CADM2: variants seen among roughly 807,000 people sequenced by gnomAD.
The protein encoded by CADM2 is immunoglobulin superfamily member 4D.
CADM2 carries 12 observed loss-of-function variants against 49.8 expected under a neutral mutation model. The ratio of observed to expected loss-of-function variants is 0.24; its 90% confidence interval spans 0.15 to 0.39. The LOEUF is 0.39. Among genes scored for constraint, CADM2 ranks in the 10% least tolerant of loss-of-function variants. CADM2 has a pLI of 1.00. For synonymous variants in CADM2, 214 were observed against 175.4 expected, an observed-to-expected ratio of 1.22 and a Z score of -1.74; for missense variants, 378 against 492.3, an observed-to-expected ratio of 0.77 and a Z score of 2.20.
intron 2 of CADM2, among the ~76,000 whole-genome samples, chr3:85,727,756 C>A (rs2067764444): frequency 6.6e-6 from 1 of 152,014 alleles, no homozygotes; most frequent in African/African-American, 2.4e-5. Context: ...AGATGCATAT[C>A]AGCACTGGAA....
chr3:85,857,293 A>G (rs1171036026), intron 3 of CADM2, among the ~76,000 whole-genome samples: 1 of 152,074 alleles, frequency 6.6e-6, no homozygotes, highest in Non-Finnish European at 1.5e-5. Flanking sequence ...GTAGAGGTTG[A>G]GGTCAAAGAT....
intron 3 of CADM2, among the ~76,000 whole-genome samples, chr3:85,819,481 A>T (rs1428314116): frequency 1.3e-5 from 2 of 152,230 alleles, no homozygotes; most frequent in African/African-American, 4.8e-5. Flanking sequence ...TTAAGCAACA[A>T]AAAACTAATT....
intron 1 of CADM2, among the ~76,000 whole-genome samples, chr3:85,411,849 T>C (rs1389967743): frequency 1.3e-5 from 2 of 152,134 alleles, no homozygotes. Flanking sequence ...TTTTGTTTTA[T>C]TTTTTTGAGA....
intron 1 of CADM2, among the ~76,000 whole-genome samples, chr3:85,697,319 A>G (rs1005556939): frequency 3.3e-5 from 5 of 152,024 alleles, no homozygotes; most frequent in South Asian, 2.1e-4. Context: ...GCTGACAGAT[A>G]TATAAAGTGA....
At chr3:85,097,713 C>T (rs1192228266) in intron 1 of CADM2, among the ~76,000 whole-genome samples, 2 of 152,152 alleles carry the variant, frequency 1.3e-5, no homozygotes, top group Admixed American at 6.6e-5. Context: ...CAATAATGGT[C>T]CATCACTCAC....
chr3:85,763,207 G>T (rs2069480373), intron 2 of CADM2, among the ~76,000 whole-genome samples: 1 of 152,148 alleles, frequency 6.6e-6, no homozygotes, highest in African/African-American at 2.4e-5. Flanking sequence ...AGAAGCAGGA[G>T]CCTCTGTTCT....
chr3:85,148,954 G>A (rs963986366), intron 1 of CADM2, among the ~76,000 whole-genome samples: 2 of 152,028 alleles, frequency 1.3e-5, no homozygotes. Context: ...AAGTGGACAC[G>A]TGCAGTTCAA....
chr3:85,477,119 G>A (rs1270764109), intron 1 of CADM2, among the ~76,000 whole-genome samples: 1 of 151,584 alleles, frequency 6.6e-6, no homozygotes, highest in East Asian at 1.9e-4. Flanking sequence ...ATGACCACTG[G>A]GTATGTGTTT....
At chr3:85,204,106 T>C (rs988773110) in intron 1 of CADM2, among the ~76,000 whole-genome samples, 1 of 152,208 alleles carries the variant, frequency 6.6e-6, no homozygotes, top group Non-Finnish European at 1.5e-5. Flanking sequence ...GGTCCTTGTA[T>C]AGTTAACAAC....
intron 1 of CADM2, among the ~76,000 whole-genome samples, chr3:85,617,128 C>G (rs541727271): frequency 6.6e-6 from 1 of 152,238 alleles, no homozygotes; most frequent in South Asian, 2.1e-4. Context: ...AATTCCCTCA[C>G]TATCTACCTG....
In CADM2 at chr3:85,595,159, G is replaced by A. The variant is rs552259550; in HGVS notation, c.62-131363G>A. On this transcript the variant is annotated intron_variant, in intron 1 of 9. Coordinates refer to ENST00000383699, the MANE Select transcript of CADM2 (RefSeq NM_001167675.2). ...AACTAATGCATTTCAGTACTGAAGTGTCTATTCAAATCATTCTTAGGGCTG... is the reference window on the plus strand; with the variant it reads ...AACTAATGCATTTCAGTACTGAAGTATCTATTCAAATCATTCTTAGGGCTG... Among the ~76,000 whole-genome samples the A allele has an allele frequency of 4.6e-5, 7 of 152,096 alleles. No homozygotes were observed. The South Asian group carries it at 1.4e-3, about 32-fold the overall frequency.
At chr3:85,489,143 G>C (rs1275418864) in intron 1 of CADM2, among the ~76,000 whole-genome samples, 1 of 152,028 alleles carries the variant, frequency 6.6e-6, no homozygotes, top group Non-Finnish European at 1.5e-5. Context: ...TCTTAAGAAA[G>C]GGGAATATAA....
intron 3 of CADM2, among the ~76,000 whole-genome samples, chr3:85,858,493 G>A (rs1305908483): frequency 6.6e-6 from 1 of 151,994 alleles, no homozygotes; most frequent in Non-Finnish European, 1.5e-5. Context: ...AGTTTCTTTC[G>A]AGCCCATAAC....
intron 8 of CADM2, among the ~76,000 whole-genome samples, chr3:86,047,467 C>G (rs888357451): frequency 5.3e-5 from 8 of 152,116 alleles, no homozygotes; most frequent in Non-Finnish European, 1.2e-4. Context: ...CCAGAGAAGT[C>G]AGGAAATGAG....
At chr3:85,289,126 A>T (rs941835080) in intron 1 of CADM2, among the ~76,000 whole-genome samples, 2 of 152,196 alleles carry the variant, frequency 1.3e-5, no homozygotes, top group Admixed American at 1.3e-4. Flanking sequence ...TTTTATACTG[A>T]AAATAGAAAG....
intron 8 of CADM2, among the ~76,000 whole-genome samples, chr3:86,005,933 G>C (rs1266493064): frequency 6.6e-6 from 1 of 151,936 alleles, no homozygotes; most frequent in East Asian, 1.9e-4. Flanking sequence ...CAATTGTTTT[G>C]ATTTTTAGAT....
At chr3:85,506,471 G>T (rs565453948) in intron 1 of CADM2, among the ~76,000 whole-genome samples, 162 of 152,238 alleles carry the variant, frequency 1.1e-3, no homozygotes, top group African/African-American at 3.8e-3. Context: ...TTAAAATTCA[G>T]CAGCATGTGT....
chr3:85,864,468 C>T (rs1456118693), intron 3 of CADM2, among the ~76,000 whole-genome samples: 1 of 152,140 alleles, frequency 6.6e-6, no homozygotes, highest in Non-Finnish European at 1.5e-5. Flanking sequence ...TGAAATGATA[C>T]TACTACACCA....
chr3:85,293,658 C>A (rs2043867667), intron 1 of CADM2, among the ~76,000 whole-genome samples: 2 of 136,630 alleles, frequency 1.5e-5, no homozygotes, highest in Admixed American at 1.5e-4. Flanking sequence ...AAATGTAATC[C>A]AGCATATAAA....
Sources: allele counts gnomAD v4.1 joint callset (sites outside exome capture counted in the v4.1 genomes callset), GRCh38; gene constraint gnomAD v4.1.1; transcripts MANE v1.5; gene names NCBI Gene and HGNC (gene_info 2026-07-23, HGNC 2026-07-21).